TSLP: variants seen among roughly 807,000 people sequenced by gnomAD.
TSLP encodes thymic stroma-derived lymphopoietin.
A neutral mutation model predicts 12.4 loss-of-function variants in TSLP; 12 were observed. The ratio of observed to expected loss-of-function variants is 0.97; its 90% CI spans 0.62 to 1.57. The LOEUF (loss-of-function observed/expected upper bound fraction) is 1.57. Among genes scored for constraint, TSLP ranks in the 40% most tolerant of loss-of-function variants. TSLP has a pLI of 0.00. For missense variants in TSLP, 222 were observed against 189.6 expected (o/e 1.17, Z -1.00); for synonymous variants, 97 against 69.5 (o/e 1.40, Z -1.97).
upstream of TSLP, chr5:111,070,866 T>C (rs1752323842): frequency 6.6e-6 from 1 of 152,358 alleles, no homozygotes; most frequent in Non-Finnish European, 1.5e-5. Context: ...CAGGACAGCA[T>C]CGTCTCCGTG....
In TSLP at chr5:111,076,126, T is replaced by C; in HGVS notation, c.*52T>C. On this transcript the variant is annotated 3_prime_UTR_variant, in exon 4 of 4. Coordinates refer to ENST00000344895, the MANE Select transcript of TSLP (RefSeq NM_033035.5). ...CAGCACCAAAATAAATCATCTTTAT[T>C]AAGTAGATGAAACATTAACTCTAAC... The C allele has an allele frequency of 6.3e-7, 1 of 1,583,494 alleles. No individual in the cohort carries two copies. Among genetic ancestry groups the C allele is most frequent in the South Asian group, 1.1e-5 (1 of 88,850 alleles).
intron 3 of TSLP, among the ~76,000 whole-genome samples, chr5:111,075,398 A>T (rs1255632678): frequency 6.6e-6 from 1 of 152,172 alleles, no homozygotes; most frequent in African/African-American, 2.4e-5. Context: ...GGGAGGGGGA[A>T]GGATGGGGAG....
chr5:111,070,461 G>A (rs1358334965), upstream of TSLP: 1 of 152,972 alleles, frequency 6.5e-6, no homozygotes, highest in African/African-American at 2.4e-5. Context: ...GGGAAAGAGA[G>A]AGAGAGGGGA....
chr5:111,074,047 A>G (rs1173806362), intron 3 of TSLP, among the ~76,000 whole-genome samples: 1 of 152,178 alleles, frequency 6.6e-6, no homozygotes, highest in Non-Finnish European at 1.5e-5. Context: ...GTCCAGTCCA[A>G]AGTTTGAGCA....
intron 3 of TSLP, 38 bp from the exon 4 acceptor site, chr5:111,075,908 G>A: frequency 1.2e-6 from 2 of 1,601,802 alleles, no homozygotes; most frequent in Non-Finnish European, 1.7e-6. Flanking sequence ...TAAAGATAGT[G>A]AAAAGTAATT....
At chr5:111,073,192 C>A in intron 2 of TSLP, 1 of 1,017,258 alleles carries the variant, frequency 9.8e-7, no homozygotes, top group Non-Finnish European at 1.4e-6. Flanking sequence ...TTGTTAGGGG[C>A]ACCACCTGCT....
intron 3 of TSLP, among the ~76,000 whole-genome samples, chr5:111,074,067 G>T (rs752416964): frequency 1.4e-4 from 21 of 152,136 alleles, no homozygotes; most frequent in Admixed American, 3.9e-4. Flanking sequence ...AACACCTCTT[G>T]TTCTTATCAC....
chr5:111,072,807 T>C (rs1399660371), intron 1 of TSLP, 81 bp from the exon 2 acceptor site: 1 of 1,454,858 alleles, frequency 6.9e-7, no homozygotes, highest in Non-Finnish European at 9.7e-7. Flanking sequence ...CTTTAAAGCC[T>C]GGGAGCAAAG....
chr5:111,070,105 GC>G (rs996269190), upstream of TSLP: 1 of 152,074 alleles, frequency 6.6e-6, no homozygotes, highest in African/African-American at 2.4e-5. Context: ...TTCAAAGAAT[GC>G]TGTGGTGACT....
Position 111,076,092 on chromosome 5 carries a change from C to A in TSLP, c.*18C>A. On this transcript the variant is annotated 3_prime_UTR_variant, in exon 4 of 4. Transcript: ENST00000344895. ...AACAGTAAACCATCTTTATTATGGT[C>A]ATATTTCACAGCACCAAAATAAATC... 3 of 1,612,534 alleles carry A rather than the reference C, an allele frequency of 1.9e-6. No individual in the cohort carries two copies. The South Asian group carries it at 3.3e-5, about 18-fold the overall frequency.
Position 111,072,040 on chromosome 5 carries a change from C to T in TSLP, c.150C>T (p.Asp50=), listed in dbSNP as rs755031052. 5 of 1,613,524 alleles carry T rather than the reference C, an allele frequency of 3.1e-6. No homozygotes were observed. The highest frequency in any genetic ancestry group is 3.3e-5 in the Admixed American group (2 of 60,000). Residue 50 remains aspartate, a synonymous_variant, in exon 1 of 4, where the codon GAC becomes GAT. Coordinates refer to ENST00000344895, the MANE Select transcript of TSLP (RefSeq NM_033035.5). ...KAAYLSTISK[D]LITYMSGTKS... ...CCTATCTCAGTACTATTTCTAAAGACCTGATTACATATATGAGTGGGGTAA... is the reference window on the plus strand; with the variant it reads ...CCTATCTCAGTACTATTTCTAAAGATCTGATTACATATATGAGTGGGGTAA...
Position 111,076,206 on chromosome 5 carries a change from CTT to C in TSLP, c.*133_*134del. 9.0e-7 allele frequency: 1 copy of C among 1,112,988 alleles called. No individual in the cohort carries two copies. The highest frequency in any genetic ancestry group is 1.3e-6 in the Non-Finnish European group (1 of 769,776). 68.9% of individuals were successfully genotyped at this position (1,112,988 alleles called of 1,614,324 possible). ...TTTTAATTACAGAAGAGTTTCTTAA[CTT>C]ACTTTTGTAAGTTTTTATTGTGTAA... On this transcript the variant is annotated 3_prime_UTR_variant, in exon 4 of 4. Transcript: ENST00000344895.
chr5:111,071,725 C>T lies in TSLP; in HGVS notation c.-166C>T. Reference sequence around the variant, plus strand: ...AAAGCTCTGGAGCATCAGGGAGACTCCAACTTAAGGCAACAGCATGGGTGA... The same window carrying T: ...AAAGCTCTGGAGCATCAGGGAGACTTCAACTTAAGGCAACAGCATGGGTGA... On this transcript the variant is annotated 5_prime_UTR_variant, in exon 1 of 4. Coordinates refer to ENST00000344895, the MANE Select transcript of TSLP (RefSeq NM_033035.5). 1 of 1,217,096 alleles carries T rather than the reference C, an allele frequency of 8.2e-7. No homozygotes were observed. Among genetic ancestry groups the T allele is most frequent in the Non-Finnish European group, 1.1e-6 (1 of 877,794 alleles). The allele number at this position is 1,217,096 out of a possible 1,614,324, so 75.4% of individuals were successfully genotyped here.
At position 111,077,448 on chromosome 5, in the gene TSLP, G is replaced by C. The variant is rs1752544116; in HGVS notation, c.*1374G>C. The C allele has an allele frequency of 6.6e-6, 1 of 152,198 alleles. No individual in the cohort carries two copies. The highest frequency in any genetic ancestry group is 1.5e-5 in the Non-Finnish European group (1 of 68,048). The allele number at this position is 152,198 out of a possible 1,614,324, so 9.4% of individuals were successfully genotyped here. A position where few individuals can be genotyped will look rare whatever the true frequency, so the allele number is the denominator to read the frequency against. On this transcript the variant is annotated 3_prime_UTR_variant, in exon 4 of 4. Transcript: ENST00000344895. ...CAGCCTTTGTCCAGAGAAGCTCAGGGTATAGCTGAATAGGCAGTTTCTTTT... is the reference window on the plus strand; with the variant it reads ...CAGCCTTTGTCCAGAGAAGCTCAGGCTATAGCTGAATAGGCAGTTTCTTTT...
At chr5:111,075,836 G>A in intron 3 of TSLP, 110 bp from the exon 4 acceptor site, 2 of 1,144,060 alleles carry the variant, frequency 1.7e-6, no homozygotes, top group Non-Finnish European at 2.5e-6. Context: ...CAGGTGCTTT[G>A]GAGACACACT....
In TSLP at chr5:111,073,369, C is replaced by A. The variant is rs2289277; in HGVS notation, c.217-142C>A. 363 of 1,527,814 alleles carry A rather than the reference C, an allele frequency of 2.4e-4. No individual in the cohort carries two copies. The African/African-American group carries it at 4.5e-3, about 19-fold the overall frequency. The allele number at this position is 1,527,814 out of a possible 1,614,324, so 94.6% of individuals were successfully genotyped here. The stretch of plus-strand genomic sequence containing the variant: ...TGGTTCTTCCTTGCTCTACTCAACC[C>A]TGACCTCTTCTCTCTGACTCTCGAC... On this transcript the variant is annotated intron_variant, in intron 2 of 3. Coordinates refer to ENST00000344895, the MANE Select transcript of TSLP (RefSeq NM_033035.5).
rs906820202 is a variant in TSLP, at chr5:111,071,834, T to C, written c.-57T>C. ...CCTAAGGCAGGCCTTACAGATCTCT[T>C]ACACTCGTGGTGGGAAGAGTTTAGT... On this transcript the variant is annotated 5_prime_UTR_variant, in exon 1 of 4. Transcript: ENST00000344895. 8 of 1,583,902 alleles carry C rather than the reference T, an allele frequency of 5.1e-6. No individual in the cohort carries two copies. The highest frequency in any genetic ancestry group is 3.4e-6 in the Non-Finnish European group (4 of 1,160,964).
rs111317930 is a variant in TSLP, at chr5:111,076,808, T to C, written c.*734T>C. On this transcript the variant is annotated 3_prime_UTR_variant, in exon 4 of 4. Transcript: ENST00000344895. ...TCTCAAATTTGTTTCTTATGAATCATCTCTCAAATCTAGTTAGACAATTTG... is the reference window on the plus strand; with the variant it reads ...TCTCAAATTTGTTTCTTATGAATCACCTCTCAAATCTAGTTAGACAATTTG... 7 of 152,352 alleles carry C rather than the reference T, an allele frequency of 4.6e-5. No homozygotes were observed. Among genetic ancestry groups the C allele is most frequent in the African/African-American group, 1.4e-4 (6 of 41,590 alleles). 9.4% of individuals were successfully genotyped at this position (152,352 alleles called of 1,614,324 possible). A position where few individuals can be genotyped will look rare whatever the true frequency, so the allele number is the denominator to read the frequency against.
chr5:111,076,475 T>C lies in TSLP; in HGVS notation c.*401T>C, dbSNP rs944260011. 1.9e-5 allele frequency: 3 copies of C among 157,862 alleles called. No individual in the cohort carries two copies. Among genetic ancestry groups the C allele is most frequent in the African/African-American group, 7.2e-5 (3 of 41,578 alleles). The allele number at this position is 157,862 out of a possible 1,614,324, so 9.8% of individuals were successfully genotyped here. ...CTTCTACATGTAATGACACTTCTTG[T>C]GTTAAACTAAAAATTTACAAGAGAA... On this transcript the variant is annotated 3_prime_UTR_variant, in exon 4 of 4. Coordinates refer to ENST00000344895, the MANE Select transcript of TSLP (RefSeq NM_033035.5).
Sources: gnomAD v4.1 joint callset for allele counts (sites outside exome capture counted in the v4.1 genomes callset) on GRCh38, gnomAD v4.1.1 for gene constraint, MANE v1.5 for transcripts, NCBI Gene and HGNC (gene_info 2026-07-23, HGNC 2026-07-21) for gene names.